CAGE1: variants seen among roughly 807,000 people sequenced by gnomAD.
CAGE1 encodes the protein cancer antigen 1.
A neutral mutation model predicts 94.9 loss-of-function variants in CAGE1; 66 were observed. The observed-to-expected ratio is 0.70, with a 90% CI of 0.57 to 0.85. The LOEUF (loss-of-function observed/expected upper bound fraction) is 0.85. Among genes scored for constraint, CAGE1 ranks in the 40% least tolerant of loss-of-function variants. The probability of loss-of-function intolerance (pLI) is 0.00; values close to 1 mark genes in which losing one functional copy is unlikely to be tolerated. For missense variants in CAGE1, 865 were observed against 950.4 expected (o/e 0.91, Z 1.18); for synonymous variants, 319 against 321.0 (o/e 0.99, Z 0.07).
At chr6:7,379,456 A>G (rs1760861221) in intron 3 of CAGE1, among the ~76,000 whole-genome samples, 1 of 152,240 alleles carries the variant, frequency 6.6e-6, no homozygotes, top group Non-Finnish European at 1.5e-5. Context: ...CAGATAAGGA[A>G]ACTGAAGTGT....
At chr6:7,370,267 C>G (rs1235489616) in intron 5 of CAGE1, among the ~76,000 whole-genome samples, 1 of 152,046 alleles carries the variant, frequency 6.6e-6, no homozygotes, top group Admixed American at 6.6e-5. Context: ...AGCAATAACT[C>G]CATTATGTAG....
At chr6:7,358,027 G>GATATAT (rs55850429) in intron 9 of CAGE1, among the ~76,000 whole-genome samples, 1,010 of 47,636 alleles carry the variant, frequency 0.021, 44 homozygotes, top group Non-Finnish European at 0.029. Flanking sequence ...TAAGTTTTGA[G>GATATAT]ATATATATAT....
chr6:7,341,055 G>T, intron 11 of CAGE1: 1 of 494,852 alleles, frequency 2.0e-6, no homozygotes. Context: ...AGTTGATCCA[G>T]ATATAGAGGC....
chr6:7,381,395 G>A (rs1042853132), intron 3 of CAGE1, among the ~76,000 whole-genome samples: 2 of 152,204 alleles, frequency 1.3e-5, no homozygotes, highest in African/African-American at 4.8e-5. Context: ...AACCGTGCTG[G>A]CACCTTGATC....
At chr6:7,363,980 T>C (rs1265320636) in intron 9 of CAGE1, among the ~76,000 whole-genome samples, 3 of 152,222 alleles carry the variant, frequency 2.0e-5, no homozygotes, top group African/African-American at 7.2e-5. Context: ...TACTCTGAGA[T>C]AGGGTTTGTA....
intron 11 of CAGE1, among the ~76,000 whole-genome samples, chr6:7,352,171 C>T (rs1164644598): frequency 1.3e-5 from 2 of 151,706 alleles, no homozygotes; most frequent in Non-Finnish European, 2.9e-5. Flanking sequence ...AACTGACAAA[C>T]GAATTCAGCA....
At position 7,387,036 on chromosome 6, in the gene CAGE1, C is replaced by T; in HGVS notation, c.138G>A (p.Met46Ile). 6.4e-7 allele frequency: 1 copy of T among 1,552,042 alleles called. No homozygotes were observed. Among genetic ancestry groups the T allele is most frequent in the South Asian group, 1.2e-5 (1 of 84,054 alleles). The change falls in exon 2 of 14, where the codon ATG becomes ATA. Residue 46 changes from methionine to isoleucine, a missense_variant. Met to Ile is a conservative substitution (Grantham distance 10). Transcript: ENST00000502583. Reference sequence around the variant, plus strand: ...CCATACAGATTGGAGAATGTGAAAGCATTACACCTTGAGAAAGATTGCTGA... The same window carrying T: ...CCATACAGATTGGAGAATGTGAAAGTATTACACCTTGAGAAAGATTGCTGA... ...MNVSNLSQGV[M>I]LSHSPICMET...
chr6:7,388,100 C>A (rs1334707016), intron 1 of CAGE1, among the ~76,000 whole-genome samples: 1 of 151,188 alleles, frequency 6.6e-6, no homozygotes, highest in Non-Finnish European at 1.5e-5. Context: ...TGTTGCCACA[C>A]TGGTCCATAT....
intron 9 of CAGE1, among the ~76,000 whole-genome samples, chr6:7,357,028 C>T (rs984275864): frequency 3.9e-5 from 6 of 152,044 alleles, no homozygotes; most frequent in Admixed American, 3.9e-4. Context: ...AACTCCTGAG[C>T]TCAGGTGATC....
chr6:7,334,156 T>C (rs1383356527), intron 11 of CAGE1, 66 bp from the exon 12 acceptor site: 12 of 955,718 alleles, frequency 1.3e-5, no homozygotes, highest in Non-Finnish European at 1.9e-5. Context: ...TTTTGTTAGA[T>C]TCACTGGAGG....
chr6:7,358,027 G>GATATATAT (rs55850429), intron 9 of CAGE1, among the ~76,000 whole-genome samples: 767 of 47,700 alleles, frequency 0.016, 36 homozygotes, highest in South Asian at 0.022. Context: ...TAAGTTTTGA[G>GATATATAT]ATATATATAT....
intron 9 of CAGE1, among the ~76,000 whole-genome samples, chr6:7,364,271 C>G (rs888207793): frequency 1.3e-5 from 2 of 152,180 alleles, no homozygotes; most frequent in Admixed American, 6.5e-5. Flanking sequence ...GGACAAGTAT[C>G]CACTCTGTTA....
chr6:7,341,924 C>A (rs560058070), intron 11 of CAGE1: 2 of 708,060 alleles, frequency 2.8e-6, no homozygotes, highest in African/African-American at 3.5e-5. Context: ...TCCTCAATGC[C>A]GTTCGTGTCA....
Position 7,373,973 on chromosome 6 carries a change from C to T in CAGE1, c.846G>A (p.Glu282=). ...GISWRSEACR[E]NCEMPDWEQS... is the part of the protein sequence containing the mutation. Reference sequence around the variant, plus strand: ...GCTCCCAGTCAGGCATCTCACAGTTCTCCCGACATGCTTCACTCCTCCAGG... The same window carrying T: ...GCTCCCAGTCAGGCATCTCACAGTTTTCCCGACATGCTTCACTCCTCCAGG... Residue 282 remains glutamate, a synonymous_variant, in exon 5 of 14, where the codon GAG becomes GAA. Transcript: ENST00000502583. 3.7e-6 allele frequency: 6 copies of T among 1,614,036 alleles called. No individual in the cohort carries two copies. The highest frequency in any genetic ancestry group is 1.7e-5 in the Admixed American group (1 of 60,026).
intron 2 of CAGE1, 41 bp from the exon 3 acceptor site, chr6:7,385,913 C>T (rs1196768673): frequency 9.4e-7 from 1 of 1,058,956 alleles, no homozygotes; most frequent in East Asian, 2.7e-5. Flanking sequence ...AAGCAAACAT[C>T]ACAAGCTTCT....
At chr6:7,352,300 AAAAAAC>A (rs1319600031) in intron 11 of CAGE1, among the ~76,000 whole-genome samples, 8 of 115,880 alleles carry the variant, frequency 6.9e-5, no homozygotes, top group Non-Finnish European at 1.4e-4. Flanking sequence ...CAAAAAAAAA[AAAAAAC>A]AAAAAAAAAC....
At chr6:7,388,930 T>C (rs186264964) in intron 1 of CAGE1, among the ~76,000 whole-genome samples, 49 of 152,326 alleles carry the variant, frequency 3.2e-4, no homozygotes, top group Non-Finnish European at 6.2e-4. Context: ...GCACTTCCAA[T>C]TACATTTCTA....
intron 12 of CAGE1, chr6:7,331,482 G>T (rs1720672256): frequency 4.5e-6 from 2 of 442,434 alleles, no homozygotes; most frequent in East Asian, 5.1e-5. Context: ...TGCAGTGCCT[G>T]CACCGTTACA....
intron 7 of CAGE1, among the ~76,000 whole-genome samples, chr6:7,368,135 C>T (rs1323060152): frequency 1.3e-5 from 2 of 151,740 alleles, no homozygotes; most frequent in South Asian, 2.1e-4. Flanking sequence ...CGCCTGTAAT[C>T]CCAGCTACTT....
Sources: allele counts gnomAD v4.1 joint callset (sites outside exome capture counted in the v4.1 genomes callset), GRCh38; gene constraint gnomAD v4.1.1; transcripts MANE v1.5; gene names NCBI Gene and HGNC (gene_info 2026-07-23, HGNC 2026-07-21).